Variants in LRCH1 observed in about 807,000 individuals in gnomAD.
LRCH1 encodes the protein leucine rich repeats and calponin homology domain containing 1, also known as leucine-rich repeat and calponin homology domain-containing protein 1.
A neutral mutation model predicts 94.9 loss-of-function variants in LRCH1; 23 were observed. The ratio of observed to expected loss-of-function variants is 0.24; its 90% CI spans 0.17 to 0.34. The LOEUF is 0.34. Ranked by LOEUF, LRCH1 falls within the 10% of genes least tolerant of loss-of-function variation. The pLI, the probability that LRCH1 is intolerant of heterozygous loss-of-function variation, is 1.00. For synonymous variants in LRCH1, 364 were observed against 354.9 expected, an observed-to-expected ratio of 1.03 and a Z score of -0.29; for missense variants, 790 against 945.9, an observed-to-expected ratio of 0.84 and a Z score of 2.16.
Position 46,741,939 on chromosome 13 carries a change from A to G in LRCH1, c.*91A>G, listed in dbSNP as rs568663606. On this transcript the variant is annotated 3_prime_UTR_variant, in exon 20 of 20. Coordinates refer to ENST00000389797, the MANE Select transcript of LRCH1 (RefSeq NM_001164211.2). ...TTGAGCCTTTGCCTTGCAAACTTCC[A>G]TCCCTGTCATGTCTTCAGTTATCTC... is the stretch of plus-strand genomic sequence containing the variant. 22 of 1,584,808 alleles carry G rather than the reference A, an allele frequency of 1.4e-5. No individual in the cohort carries two copies. In the East Asian group the frequency reaches 4.7e-4, roughly 34 times the overall value.
chr13:46,638,727 C>G (rs562253044), intron 1 of LRCH1, among the ~76,000 whole-genome samples: 127 of 152,278 alleles, frequency 8.3e-4, no homozygotes, highest in African/African-American at 3.0e-3. Context: ...GGCCTCATGC[C>G]TAAGATTATT....
intron 1 of LRCH1, among the ~76,000 whole-genome samples, chr13:46,597,841 A>G (rs2050582141): frequency 6.6e-6 from 1 of 152,120 alleles, no homozygotes; most frequent in Non-Finnish European, 1.5e-5. Flanking sequence ...ACATAAAATG[A>G]CGTTATAAGT....
chr13:46,609,404 G>C (rs1054508722), intron 1 of LRCH1, among the ~76,000 whole-genome samples: 1 of 152,072 alleles, frequency 6.6e-6, no homozygotes, highest in Non-Finnish European at 1.5e-5. Flanking sequence ...CTGTTCAGTT[G>C]CATAATCTCT....
intron 3 of LRCH1, among the ~76,000 whole-genome samples, chr13:46,680,502 G>A (rs961427475): frequency 2.0e-5 from 3 of 152,168 alleles, no homozygotes; most frequent in Non-Finnish European, 2.9e-5. Context: ...GGGAAGCCTC[G>A]TGAAAGATTT....
chr13:46,651,496 A>C (rs1594315892), intron 2 of LRCH1, among the ~76,000 whole-genome samples: 1 of 151,938 alleles, frequency 6.6e-6, no homozygotes, highest in Non-Finnish European at 1.5e-5. Flanking sequence ...CCCCGTCTCT[A>C]CTAAAAATAC....
intron 1 of LRCH1, among the ~76,000 whole-genome samples, chr13:46,630,413 TATTG>T (rs2051004519): frequency 1.3e-5 from 2 of 152,370 alleles, no homozygotes. Context: ...ATCAGAGTGA[TATTG>T]ATTATTTAGA....
At chr13:46,564,550 C>T (rs764812738) in intron 1 of LRCH1, among the ~76,000 whole-genome samples, 4 of 152,148 alleles carry the variant, frequency 2.6e-5, no homozygotes, top group Non-Finnish European at 5.9e-5. Flanking sequence ...GGGCACTCAG[C>T]GGCTGGGAAA....
chr13:46,750,879 G>GA (rs1022581499), exon 19 of LRCH1: 1,194 of 370,656 alleles, frequency 3.2e-3, no homozygotes, highest in Middle Eastern at 6.4e-3. Flanking sequence ...GGAGCTGGAG[G>GA]AAAAAAAAAC....
chr13:46,727,412 A>G lies in LRCH1; in HGVS notation c.1870-1435A>G, dbSNP rs572891597. 3.3e-5 allele frequency among the ~76,000 whole-genome samples: 5 copies of G among 152,328 alleles called. No homozygotes were observed. In the South Asian group the frequency reaches 1.0e-3, roughly 32 times the overall value. On this transcript the variant is annotated intron_variant, in intron 17 of 19. Transcript: ENST00000389797. ...CTGTGGGAGTGTAACAAATGATCCA[A>G]CATTCGTGTCTTGGGAGGCCCAGAA...
chr13:46,657,163 AT>A (rs5803364), intron 2 of LRCH1, among the ~76,000 whole-genome samples: 115,695 of 150,916 alleles, frequency 0.77, 44,434 homozygotes, highest in East Asian at 0.91. Context: ...ATTCAATTGT[AT>A]TTTTTTTTTG....
intron 1 of LRCH1, among the ~76,000 whole-genome samples, chr13:46,599,897 G>A (rs2050607549): frequency 6.6e-6 from 1 of 152,198 alleles, no homozygotes. Context: ...TAGGGTAAAT[G>A]TATTAGCCCT....
Position 46,744,613 on chromosome 13 carries a change from CCTG to C in LRCH1, c.*2771_*2773del. On this transcript the variant is annotated 3_prime_UTR_variant, in exon 20 of 20. Transcript: ENST00000389797. ...GTAGATAAATAAAGGCACTTGATAG[CCTG>C]CTGCTATTTGTTTGTAAGAAATTAA... 2 of 985,336 alleles carry C rather than the reference CCTG, an allele frequency of 2.0e-6. No individual in the cohort carries two copies. Among genetic ancestry groups the C allele is most frequent in the South Asian group, 9.4e-5 (2 of 21,282 alleles). The allele number at this position is 985,336 out of a possible 1,614,324, so 61.0% of individuals were successfully genotyped here.
chr13:46,724,146 A>G (rs1271465427), intron 17 of LRCH1, among the ~76,000 whole-genome samples: 1 of 151,998 alleles, frequency 6.6e-6, no homozygotes, highest in Non-Finnish European at 1.5e-5. Flanking sequence ...GCACCACCAC[A>G]CTCAGCTAAT....
intron 1 of LRCH1, among the ~76,000 whole-genome samples, chr13:46,626,888 G>T (rs899754007): frequency 6.6e-6 from 1 of 152,076 alleles, no homozygotes; most frequent in Non-Finnish European, 1.5e-5. Flanking sequence ...GAAAAGGTTC[G>T]TAATATCCTG....
chr13:46,651,172 C>G (rs61949300), intron 2 of LRCH1, among the ~76,000 whole-genome samples: 61 of 152,246 alleles, frequency 4.0e-4, no homozygotes, highest in Non-Finnish European at 7.6e-4. Flanking sequence ...CTGAATGTAG[C>G]CTTTACTCAT....
intron 1 of LRCH1, among the ~76,000 whole-genome samples, chr13:46,559,528 T>A (rs8000106): frequency 0.074 from 11,209 of 152,276 alleles, 898 homozygotes; most frequent in African/African-American, 0.2. Context: ...CACGTCTAGA[T>A]GGGCCCTTCC....
intron 16 of LRCH1, among the ~76,000 whole-genome samples, chr13:46,718,807 T>G: frequency 6.6e-6 from 1 of 152,242 alleles, no homozygotes; most frequent in Non-Finnish European, 1.5e-5. Context: ...GGTTCTTAAC[T>G]TCCAAGGAGA....
intron 17 of LRCH1, among the ~76,000 whole-genome samples, chr13:46,726,674 C>T (rs974558582): frequency 6.6e-5 from 10 of 152,024 alleles, no homozygotes; most frequent in South Asian, 4.1e-4. Context: ...TAAGGAAGCT[C>T]GTCTGCTCCC....
intron 1 of LRCH1, among the ~76,000 whole-genome samples, chr13:46,640,039 C>G (rs534045125): frequency 6.6e-6 from 1 of 152,314 alleles, no homozygotes; most frequent in Middle Eastern, 3.4e-3. Flanking sequence ...CTGAACCAAG[C>G]CATATAGTTG....
Sources: gnomAD v4.1 joint callset for allele counts (sites outside exome capture counted in the v4.1 genomes callset) on GRCh38, gnomAD v4.1.1 for gene constraint, MANE v1.5 for transcripts, NCBI Gene and HGNC (gene_info 2026-07-23, HGNC 2026-07-21) for gene names.